The following TLE4 variants were observed in gnomAD, a reference collection of about 807,000 sequenced individuals.
The protein encoded by TLE4 is TLE family member 4, transcriptional corepressor, also known as transducin-like enhancer protein 4.
Under a neutral mutation model 92.8 loss-of-function variants are expected in TLE4, and 8 were observed. The ratio of observed to expected loss-of-function variants is 0.09; its 90% CI spans 0.05 to 0.16. The LOEUF is 0.16. Ranked by LOEUF, TLE4 falls within the 10% of genes least tolerant of loss-of-function variation. The pLI is 1.00. For missense variants in TLE4, 675 were observed against 997.6 expected (o/e 0.68, Z 4.36); for synonymous variants, 371 against 374.1 (o/e 0.99, Z 0.10).
chr9:79,585,239 T>TA (rs1438964655), intron 4 of TLE4, among the ~76,000 whole-genome samples: 1 of 152,226 alleles, frequency 6.6e-6, no homozygotes, highest in African/African-American at 2.4e-5. Flanking sequence ...ACAACAATCT[T>TA]ATGAGATTAT....
intron 4 of TLE4, among the ~76,000 whole-genome samples, chr9:79,590,007 G>A (rs528835518): frequency 2.1e-4 from 32 of 152,126 alleles, no homozygotes; most frequent in Non-Finnish European, 3.2e-4. Flanking sequence ...ATGTGTGGGC[G>A]CTGATCAGTG....
rs541473965 is a variant in TLE4 at position 79,629,216 on chromosome 9, T to C, written c.390+1768T>C. Reference sequence around the variant, plus strand: ...CAGAATGGATTATTATTATTTTTTTTTCCTTTTTTTGAGTCTTTTAATGAC... The same window carrying C: ...CAGAATGGATTATTATTATTTTTTTCTCCTTTTTTTGAGTCTTTTAATGAC... On this transcript the variant is annotated intron_variant, in intron 6 of 19. Coordinates refer to ENST00000376552, the MANE Select transcript of TLE4 (RefSeq NM_007005.6). 1.3e-4 allele frequency among the ~76,000 whole-genome samples: 20 copies of C among 152,262 alleles called. No homozygotes were observed. The East Asian group carries it at 3.9e-3, about 29-fold the overall frequency.
chr9:79,698,928 T>C (rs185152477), intron 8 of TLE4, among the ~76,000 whole-genome samples: 5 of 150,840 alleles, frequency 3.3e-5, no homozygotes, highest in African/African-American at 1.2e-4. Flanking sequence ...GATAATAATA[T>C]GTTAAAATGT....
At chr9:79,648,847 C>T (rs2058491324) in intron 6 of TLE4, among the ~76,000 whole-genome samples, 1 of 151,964 alleles carries the variant, frequency 6.6e-6, no homozygotes, top group African/African-American at 2.4e-5. Flanking sequence ...AATTGTCTGA[C>T]AAAAAGTTAG....
chr9:79,610,292 T>C (rs1360649570), intron 4 of TLE4, among the ~76,000 whole-genome samples: 2 of 152,086 alleles, frequency 1.3e-5, no homozygotes, highest in Admixed American at 1.3e-4. Context: ...AAAAGGAGTT[T>C]GGGCCCCACG....
At chr9:79,674,328 A>T (rs376470179) in intron 8 of TLE4, among the ~76,000 whole-genome samples, 3,634 of 107,828 alleles carry the variant, frequency 0.034, 150 homozygotes, top group African/African-American at 0.14. Context: ...AAAGTGAGAC[A>T]CAGTGAGACT....
intron 8 of TLE4, among the ~76,000 whole-genome samples, chr9:79,664,122 T>C (rs560473424): frequency 6.6e-6 from 1 of 152,316 alleles, no homozygotes; most frequent in African/African-American, 2.4e-5. Context: ...AGAGGGGTAA[T>C]CTGGAGCAGT....
intron 16 of TLE4, among the ~76,000 whole-genome samples, chr9:79,721,457 T>G (rs1240716025): frequency 6.6e-6 from 1 of 152,210 alleles, no homozygotes; most frequent in Admixed American, 6.5e-5. Flanking sequence ...TGTTTTCTTT[T>G]GTTAATTTCA....
intron 4 of TLE4, among the ~76,000 whole-genome samples, chr9:79,591,668 A>G (rs1392082288): frequency 6.6e-6 from 1 of 152,120 alleles, no homozygotes; most frequent in Non-Finnish European, 1.5e-5. Context: ...TGAACTAGGG[A>G]AGTAGAACTG....
At chr9:79,690,925 C>A (rs2066945852) in intron 8 of TLE4, among the ~76,000 whole-genome samples, 1 of 151,982 alleles carries the variant, frequency 6.6e-6, no homozygotes, top group Non-Finnish European at 1.5e-5. Context: ...CATGAGCCAC[C>A]ATGCCTGGTG....
intron 8 of TLE4, among the ~76,000 whole-genome samples, chr9:79,700,898 T>G (rs1227989323): frequency 1.3e-5 from 2 of 152,128 alleles, no homozygotes; most frequent in South Asian, 4.1e-4. Flanking sequence ...AAGACTTGTG[T>G]TTAATCCTTC....
At chr9:79,621,228 A>G (rs1268425194) in intron 5 of TLE4, among the ~76,000 whole-genome samples, 3 of 152,194 alleles carry the variant, frequency 2.0e-5, no homozygotes, top group Non-Finnish European at 4.4e-5. Flanking sequence ...CTTAGCAGAC[A>G]TGGAGCGACA....
intron 14 of TLE4, among the ~76,000 whole-genome samples, chr9:79,712,180 C>CTT (rs1246165459): frequency 6.6e-6 from 1 of 152,166 alleles, no homozygotes; most frequent in Non-Finnish European, 1.5e-5. Context: ...TCCCTTTCAG[C>CTT]TTTGTCCCAG....
At chr9:79,695,119 A>G (rs1203928460) in intron 8 of TLE4, among the ~76,000 whole-genome samples, 1 of 152,130 alleles carries the variant, frequency 6.6e-6, no homozygotes, top group African/African-American at 2.4e-5. Flanking sequence ...GCCTTCATAC[A>G]TTTATCCAAC....
In TLE4 at chr9:79,679,576, C is replaced by T. The variant is rs568249152; in HGVS notation, c.610-25207C>T. Among the ~76,000 whole-genome samples the T allele has an allele frequency of 3.1e-3, 467 of 152,204 alleles. 3 individuals are homozygous for T. The highest frequency in any genetic ancestry group is 0.01 in the African/African-American group (428 of 41,522). ...TCCCATTTTATAGGTTGCCTGTTCA[C>T]TCTGATGGTAGTTTCTTTTGCTGTG... On this transcript the variant is annotated intron_variant, in intron 8 of 19. Coordinates refer to ENST00000376552, the MANE Select transcript of TLE4 (RefSeq NM_007005.6).
In TLE4 at chr9:79,720,038, C is replaced by T. The variant is rs1275542751; in HGVS notation, c.1591-8C>T. The T allele has an allele frequency of 1.3e-6, 2 of 1,589,702 alleles. No individual in the cohort carries two copies. Among genetic ancestry groups the T allele is most frequent in the African/African-American group, 1.3e-5 (1 of 74,368 alleles). ...TGAGTAATCTCTTGATGGTTTTTGT[C>T]TCTACAGAACAGGGATAACTACATC... is the stretch of plus-strand genomic sequence containing the variant. On this transcript the variant is annotated splice_region_variant and splice_polypyrimidine_tract_variant and intron_variant, in intron 15 of 19. Transcript: ENST00000376552.
At chr9:79,684,031 T>G (rs1018508575) in intron 8 of TLE4, among the ~76,000 whole-genome samples, 2 of 152,230 alleles carry the variant, frequency 1.3e-5, no homozygotes, top group African/African-American at 4.8e-5. Context: ...TGCTTTTTAA[T>G]TTACATTATT....
Position 79,725,038 on chromosome 9 carries a change from C to A in TLE4, c.2216C>A (p.Ser739Tyr). ...RTPYGASIFQ[S>Y]KESSSVLSCD... ...TTTGATTATATGTTTCTTTCCTAGT[C>A]CAAAGAATCCTCATCGGTGCTTAGC... The change falls in exon 20 of 20, where the codon TCC becomes TAC. Residue 739 changes from serine to tyrosine, a missense_variant and splice_region_variant. By Grantham distance (144) the Ser-to-Tyr change is moderately radical. Transcript: ENST00000376552. 6.2e-7 allele frequency: 1 copy of A among 1,611,268 alleles called. No individual in the cohort carries two copies. Among genetic ancestry groups the A allele is most frequent in the Non-Finnish European group, 8.5e-7 (1 of 1,177,652 alleles).
At position 79,652,767 on chromosome 9, in the gene TLE4, A is replaced by C; in HGVS notation, c.565A>C (p.Lys189Gln). 1 of 1,614,154 alleles carries C rather than the reference A, an allele frequency of 6.2e-7. No homozygotes were observed. The highest frequency in any genetic ancestry group is 1.1e-5 in the South Asian group (1 of 91,076). ...QSHLPIKDEK[K>Q]HHDNDHQRDR... ...CCATCTTCCAATTAAAGATGAGAAG[A>C]AGCACCATGACAATGATCACCAAAG... Residue 189 changes from lysine (K) to glutamine (Q), a missense_variant, in exon 7 of 20, where the codon AAG becomes CAG. By Grantham distance (53) the Lys-to-Gln change is moderately conservative (BLOSUM62 1). This residue lies in a region of TLE4 where 280 missense variants were observed against 287.3 expected (regional missense o/e 0.97). Coordinates refer to ENST00000376552, the MANE Select transcript of TLE4 (RefSeq NM_007005.6).
Sources: allele counts gnomAD v4.1 joint callset (sites outside exome capture counted in the v4.1 genomes callset), GRCh38; gene constraint gnomAD v4.1.1; regional missense constraint gnomAD v4.1.1; transcripts MANE v1.5; gene names NCBI Gene and HGNC (gene_info 2026-07-23, HGNC 2026-07-21).